The following CRTAM variants were observed in gnomAD, a reference collection of about 807,000 sequenced individuals.
CRTAM encodes cytotoxic and regulatory T cell molecule, also known as cytotoxic and regulatory T-cell molecule.
In CRTAM, 44 loss-of-function variants were observed where a neutral mutation model predicts 50.0. The observed-to-expected ratio is 0.88, with a 90% CI of 0.69 to 1.13. The LOEUF (loss-of-function observed/expected upper bound fraction) is 1.13, where lower values mean the gene tolerates loss of function less well. Ranked by LOEUF, CRTAM falls within the 50% of genes most tolerant of loss-of-function variation. The probability of loss-of-function intolerance (pLI) is 0.00; values close to 1 mark genes in which losing one functional copy is unlikely to be tolerated. For synonymous variants in CRTAM, 159 were observed against 169.3 expected (o/e 0.94, Z 0.47); for missense variants, 448 against 457.5 (o/e 0.98, Z 0.19).
At chr11:122,854,199 T>C (rs1861974669) in intron 4 of CRTAM, 113 bp downstream of exon 4, 7 of 1,005,718 alleles carry the variant, frequency 7.0e-6, no homozygotes, top group Non-Finnish European at 1.0e-5. Flanking sequence ...TCATTTAATA[T>C]TTCATCAGCT....
chr11:122,867,527 G>C lies in CRTAM; in HGVS notation c.936G>C (p.Leu312=). The change falls in exon 8 of 10, where the codon CTG becomes CTC. Residue 312 remains leucine (L), a synonymous_variant. Transcript: ENST00000227348. ...FIIVQLFIMK[L]RKAHVIWKKE... is the part of the protein sequence containing the mutation. ...TAGTCCAGCTCTTCATCATGAAGCT[G>C]AGGAAAGCACATGTGATATGGAAGA... 2 of 1,614,088 alleles carry C rather than the reference G, an allele frequency of 1.2e-6. No homozygotes were observed. The highest frequency in any genetic ancestry group is 1.7e-6 in the Non-Finnish European group (2 of 1,179,982).
chr11:122,867,318 C>T, intron 7 of CRTAM, 91 bp from the exon 8 acceptor site: 1 of 1,143,496 alleles, frequency 8.7e-7, no homozygotes, highest in Middle Eastern at 2.8e-4. Context: ...TAGCTTATAT[C>T]ACATTGTAGA....
chr11:122,842,902 C>T (rs1861816603), intron 1 of CRTAM, among the ~76,000 whole-genome samples: 1 of 152,064 alleles, frequency 6.6e-6, no homozygotes, highest in South Asian at 2.1e-4. Flanking sequence ...ATAACGAGTT[C>T]CAATGGGACA....
intron 1 of CRTAM, among the ~76,000 whole-genome samples, chr11:122,841,833 T>C (rs1458261313): frequency 6.6e-6 from 1 of 152,156 alleles, no homozygotes; most frequent in Non-Finnish European, 1.5e-5. Flanking sequence ...AACCAAATAA[T>C]TATAAAGTAA....
chr11:122,867,017 T>A (rs1862184708), intron 7 of CRTAM, among the ~76,000 whole-genome samples: 1 of 152,230 alleles, frequency 6.6e-6, no homozygotes, highest in Admixed American at 6.5e-5. Context: ...GATAGTTTTT[T>A]AAACTCCTTA....
chr11:122,865,372 A>G (rs1267626116), intron 7 of CRTAM, among the ~76,000 whole-genome samples: 1 of 151,538 alleles, frequency 6.6e-6, no homozygotes, highest in Non-Finnish European at 1.5e-5. Context: ...ACTCATTCCC[A>G]AGATGGTTCC....
At position 122,862,549 on chromosome 11, in the gene CRTAM, G is replaced by C. The variant is rs1862100814; in HGVS notation, c.733+5G>C. ...CACAGCAGCCCACCAGTACTGGTAA[G>C]TGTCAAAATCATTCAAACTTGTTTT... is the stretch of plus-strand genomic sequence containing the variant. On this transcript the variant is annotated splice_donor_5th_base_variant and intron_variant, in intron 6 of 9. Coordinates refer to ENST00000227348, the MANE Select transcript of CRTAM (RefSeq NM_019604.4). The C allele has an allele frequency of 6.5e-7, 1 of 1,540,124 alleles. No individual in the cohort carries two copies. The highest frequency in any genetic ancestry group is 8.9e-7 in the Non-Finnish European group (1 of 1,125,012).
In CRTAM at chr11:122,850,123, C is replaced by T; in HGVS notation, c.102C>T (p.Leu34=). 14 of 1,613,514 alleles carry T rather than the reference C, an allele frequency of 8.7e-6. No individual in the cohort carries two copies. Among genetic ancestry groups the T allele is most frequent in the Non-Finnish European group, 1.2e-5 (14 of 1,179,580 alleles). ...TCACCGTGGAGGAAGGCCAGACGCT[C>T]ACTCTAAAGTGTGTCACTTCTCTGA... ...ETITVEEGQT[L]TLKCVTSLRK... The change falls in exon 2 of 10, where the codon CTC becomes CTT. Residue 34 remains leucine (L), a synonymous_variant. Coordinates refer to ENST00000227348, the MANE Select transcript of CRTAM (RefSeq NM_019604.4).
chr11:122,856,894 C>T (rs1862013866), intron 5 of CRTAM, among the ~76,000 whole-genome samples: 1 of 151,592 alleles, frequency 6.6e-6, no homozygotes, highest in South Asian at 2.1e-4. Context: ...CCTTACACAA[C>T]CACCCCCACC....
rs193058393 is a variant in CRTAM, at chr11:122,838,703, C to T, written c.46+111C>T. The T allele has an allele frequency of 6.5e-6, 6 of 920,804 alleles. No homozygotes were observed. The African/African-American group carries it at 9.7e-5, about 15-fold the overall frequency. The allele number at this position is 920,804 out of a possible 1,614,324, so 57.0% of individuals were successfully genotyped here. A position where few individuals can be genotyped will look rare whatever the true frequency, so the allele number is the denominator to read the frequency against. ...AGAGGAGCTGCTGTAGAAGACAACC[C>T]AGGTAACTGCTAATACTTTCCAAGC... is the stretch of plus-strand genomic sequence containing the variant. On this transcript the variant is annotated intron_variant, in intron 1 of 9. Transcript: ENST00000227348.
intron 1 of CRTAM, among the ~76,000 whole-genome samples, chr11:122,843,348 T>G (rs2135229008): frequency 6.6e-6 from 1 of 152,308 alleles, no homozygotes; most frequent in South Asian, 2.1e-4. Context: ...TGGTCATGCA[T>G]GGATGGATGA....
chr11:122,872,023 T>C lies in CRTAM; in HGVS notation c.*624T>C, dbSNP rs1268798440. On this transcript the variant is annotated 3_prime_UTR_variant, in exon 10 of 10. Transcript: ENST00000227348. ...AGTGGTGCGCACCTGTAGTCTCAGATACTTGGGAGGCTGAGGGTGGAGAAT... is the reference window on the plus strand; with the variant it reads ...AGTGGTGCGCACCTGTAGTCTCAGACACTTGGGAGGCTGAGGGTGGAGAAT... 2 of 152,146 alleles carry C rather than the reference T, an allele frequency of 1.3e-5. No individual in the cohort carries two copies. The highest frequency in any genetic ancestry group is 2.4e-5 in the African/African-American group (1 of 41,394). 9.4% of individuals were successfully genotyped at this position (152,146 alleles called of 1,614,324 possible). A position where few individuals can be genotyped will look rare whatever the true frequency, so the allele number is the denominator to read the frequency against.
rs746823918 is a variant in CRTAM, at chr11:122,850,221, G to T, written c.193+7G>T. On this transcript the variant is annotated splice_region_variant and intron_variant, in intron 2 of 9. Transcript: ENST00000227348. ...TTTTTAAATGAGTATCCTGGTAAGT[G>T]AAAGAAAGAAAGAAAAAATGCCACC... 1.3e-6 allele frequency: 2 copies of T among 1,563,392 alleles called. No homozygotes were observed. Among genetic ancestry groups the T allele is most frequent in the Non-Finnish European group, 1.7e-6 (2 of 1,148,806 alleles).
At chr11:122,849,975 T>C (rs1041590358) in intron 1 of CRTAM, 93 bp from the exon 2 acceptor site, 4 of 1,274,426 alleles carry the variant, frequency 3.1e-6, no homozygotes, top group African/African-American at 3.0e-5. Flanking sequence ...CTAGAAGAAA[T>C]AGATAATACA....
Position 122,857,237 on chromosome 11 carries a change from G to A in CRTAM, c.652+1381G>A, listed in dbSNP as rs944272684. On this transcript the variant is annotated intron_variant, in intron 5 of 9. Transcript: ENST00000227348. Reference sequence around the variant, plus strand: ...TAATCCCAGCACTTTGGGAAGCCGAGGCGGGCAGATCACCTGAGGTCAGGA... The same window carrying A: ...TAATCCCAGCACTTTGGGAAGCCGAAGCGGGCAGATCACCTGAGGTCAGGA... Among the ~76,000 whole-genome samples, 9 of 152,308 alleles carry A rather than the reference G, an allele frequency of 5.9e-5. No homozygotes were observed. In the East Asian group the frequency reaches 1.7e-3, roughly 29 times the overall value.
intron 2 of CRTAM, among the ~76,000 whole-genome samples, chr11:122,850,674 C>T (rs1861919064): frequency 1.3e-5 from 2 of 152,200 alleles, no homozygotes; most frequent in Non-Finnish European, 2.9e-5. Context: ...CTCTTCTTCT[C>T]CTGTTGGTCT....
chr11:122,848,873 T>C (rs1046047228), intron 1 of CRTAM, among the ~76,000 whole-genome samples: 4 of 152,252 alleles, frequency 2.6e-5, no homozygotes, highest in South Asian at 2.1e-4. Flanking sequence ...ATTTAATTTA[T>C]AATATGAAGG....
At chr11:122,861,342 G>T (rs1418460722) in intron 5 of CRTAM, among the ~76,000 whole-genome samples, 1 of 106,978 alleles carries the variant, frequency 9.3e-6, no homozygotes, top group African/African-American at 3.7e-5. Context: ...CACCTGTGAC[G>T]TGTCAGTATA....
chr11:122,842,572 G>A (rs1157815861), intron 1 of CRTAM, among the ~76,000 whole-genome samples: 1 of 152,124 alleles, frequency 6.6e-6, no homozygotes, highest in East Asian at 1.9e-4. Flanking sequence ...GAGCCACCAC[G>A]CCCGGCCTCA....
Sources: gnomAD v4.1 joint callset for allele counts (sites outside exome capture counted in the v4.1 genomes callset) on GRCh38, gnomAD v4.1.1 for gene constraint, MANE v1.5 for transcripts, NCBI Gene and HGNC (gene_info 2026-07-23, HGNC 2026-07-21) for gene names.